KANK1: variants seen among roughly 807,000 people sequenced by gnomAD.
KANK1 encodes the protein KN motif and ankyrin repeat domains 1, also known as KN motif and ankyrin repeat domain-containing protein 1.
In KANK1, 109 loss-of-function variants were observed where a neutral mutation model predicts 106.2. That is an observed-to-expected ratio of 1.03 (90% CI 0.88 to 1.20). The LOEUF is 1.20. Ranked by LOEUF, KANK1 falls within the 50% of genes most tolerant of loss-of-function variation. KANK1 has a pLI of 0.00. For missense variants in KANK1, 2,399 were observed against 1,710.7 expected, an observed-to-expected ratio of 1.40 and a Z score of -7.10; for synonymous variants, 873 against 652.2, an observed-to-expected ratio of 1.34 and a Z score of -5.16.
At chr9:607,814 G>A (rs920278629) in intron 1 of KANK1, among the ~76,000 whole-genome samples, 6 of 151,648 alleles carry the variant, frequency 4.0e-5, no homozygotes, top group African/African-American at 1.2e-4. Flanking sequence ...AAGAAAAAAA[G>A]CGCCGAAATG....
intron 3 of KANK1, among the ~76,000 whole-genome samples, chr9:483,855 A>G (rs1037826605): frequency 6.6e-6 from 1 of 152,226 alleles, no homozygotes; most frequent in Non-Finnish European, 1.5e-5. Flanking sequence ...CAGCTGACAT[A>G]CAGATGTGAA....
At chr9:635,999 A>G (rs1015713013) in intron 1 of KANK1, among the ~76,000 whole-genome samples, 7 of 152,010 alleles carry the variant, frequency 4.6e-5, no homozygotes, top group African/African-American at 1.7e-4. Flanking sequence ...TGAGGCACAA[A>G]CTCAGTTTCT....
chr9:476,243 G>C (rs557145799), intron 3 of KANK1, among the ~76,000 whole-genome samples: 1 of 152,012 alleles, frequency 6.6e-6, no homozygotes, highest in South Asian at 2.1e-4. Flanking sequence ...GTGTTAGGCC[G>C]GGCGTGGTGG....
chr9:674,999 C>G (rs922149500), intron 1 of KANK1, among the ~76,000 whole-genome samples: 23 of 146,980 alleles, frequency 1.6e-4, no homozygotes, highest in African/African-American at 5.9e-4. Flanking sequence ...GCCACCGCAC[C>G]TGGCCTAAAT....
intron 1 of KANK1, among the ~76,000 whole-genome samples, chr9:506,543 TGTGTGC>T (rs1279357245): frequency 7.7e-6 from 1 of 129,076 alleles, no homozygotes; most frequent in Admixed American, 6.9e-5. Flanking sequence ...TGTGTGTGTG[TGTGTGC>T]GTGTGCGTGC....
At chr9:702,301 C>T (rs550652654) in intron 2 of KANK1, among the ~76,000 whole-genome samples, 2 of 152,264 alleles carry the variant, frequency 1.3e-5, no homozygotes, top group South Asian at 2.1e-4. Flanking sequence ...TACCTTGAGA[C>T]GCTGGTATAA....
Position 711,207 on chromosome 9 carries a change from C to A in KANK1, c.441C>A (p.Leu147=), listed in dbSNP as rs76868922. The A allele has an allele frequency of 6.2e-7, 1 of 1,614,064 alleles. No homozygotes were observed. Among genetic ancestry groups the A allele is most frequent in the Admixed American group, 1.7e-5 (1 of 59,998 alleles). The part of the protein sequence containing the change: ...NRQLPPPSPQ[L]PKHNLHVTKT... ...AGCTGCCACCTCCCTCACCACAACT[C>A]CCAAAGCATAACCTTCATGTCACCA... is the stretch of plus-strand genomic sequence containing the variant. Residue 147 remains leucine, a synonymous_variant, in exon 3 of 12, where the codon CTC becomes CTA. Transcript: ENST00000382297.
chr9:739,823 T>C (rs1014867988), intron 8 of KANK1, among the ~76,000 whole-genome samples: 2 of 152,004 alleles, frequency 1.3e-5, no homozygotes, highest in African/African-American at 4.8e-5. Flanking sequence ...GGTGTAGATC[T>C]AGGATGCTTC....
intron 1 of KANK1, among the ~76,000 whole-genome samples, chr9:623,535 G>T (rs1006549486): frequency 6.6e-6 from 1 of 151,352 alleles, no homozygotes; most frequent in African/African-American, 2.4e-5. Flanking sequence ...ACCCGAAGAG[G>T]TCGAGACTGC....
At position 597,816 on chromosome 9, in the gene KANK1, A is replaced by G. The variant is rs949610608; in HGVS notation, c.-83-79074A>G. ...GTAGCTGGGATTACAGGCATGCATC[A>G]CCACGCCTGGCTAATTTTTTTGTAT... On this transcript the variant is annotated intron_variant, in intron 1 of 11. Transcript: ENST00000382297. 7.9e-5 allele frequency among the ~76,000 whole-genome samples: 12 copies of G among 151,354 alleles called. 1 individual carries two copies. Among genetic ancestry groups the G allele is most frequent in the African/African-American group, 2.9e-4 (12 of 40,844 alleles).
intron 1 of KANK1, among the ~76,000 whole-genome samples, chr9:516,072 A>G (rs2059265538): frequency 6.6e-6 from 1 of 151,394 alleles, no homozygotes; most frequent in Non-Finnish European, 1.5e-5. Context: ...TCTTCCCTTA[A>G]ATATTATTGG....
rs563941061 is a variant in KANK1 at position 711,127 on chromosome 9, C to T, written c.361C>T (p.Pro121Ser). The T allele has an allele frequency of 3.7e-6, 6 of 1,614,156 alleles. No individual in the cohort carries two copies. The African/African-American group carries it at 5.3e-5, about 14-fold the overall frequency. The change falls in exon 3 of 12, where the codon CCA becomes TCA. Residue 121 changes from proline to serine, a missense_variant. Physicochemically the swap from Pro to Ser is moderately conservative, Grantham distance 74. Coordinates refer to ENST00000382297, the MANE Select transcript of KANK1 (RefSeq NM_015158.5). ...SQVTSTPISK[P>S]PPPLETSLPF... ...AGTTACATCAACTCCAATCTCAAAG[C>T]CACCTCCCCCTCTGGAGACCTCACT... is the stretch of plus-strand genomic sequence containing the variant.
intron 1 of KANK1, among the ~76,000 whole-genome samples, chr9:596,018 T>A (rs1826117448): frequency 6.6e-6 from 1 of 151,848 alleles, no homozygotes; most frequent in Non-Finnish European, 1.5e-5. Context: ...GAGACACAAG[T>A]CTAAATAACA....
intron 2 of KANK1, among the ~76,000 whole-genome samples, chr9:694,868 G>T (rs959805165): frequency 2.0e-5 from 3 of 152,080 alleles, no homozygotes; most frequent in Non-Finnish European, 4.4e-5. Context: ...CGTGCAGAGG[G>T]GAAGACTGCA....
At chr9:648,726 A>G (rs180701238) in intron 1 of KANK1, among the ~76,000 whole-genome samples, 25 of 152,212 alleles carry the variant, frequency 1.6e-4, no homozygotes, top group African/African-American at 6.0e-4. Flanking sequence ...GTTGCGGGGG[A>G]GAGTATCTCA....
rs1723931636 is a variant in KANK1, at chr9:738,362, G to A, written c.3411G>A (p.Gly1137=). 6.2e-7 allele frequency: 1 copy of A among 1,614,084 alleles called. No homozygotes were observed. Among genetic ancestry groups the A allele is most frequent in the Non-Finnish European group, 8.5e-7 (1 of 1,180,012 alleles). The change falls in exon 8 of 12, where the codon GGG becomes GGA. Residue 1137 remains glycine (G), a synonymous_variant. Coordinates refer to ENST00000382297, the MANE Select transcript of KANK1 (RefSeq NM_015158.5). ...AGTCAGCCATTCCAGCCATGGTGGG[G>A]GACTACATAGCTGCTTTTGAGGCCA... ...SQKSAIPAMV[G]DYIAAFEAIS... is the part of the protein sequence containing the mutation.
At chr9:527,498 A>C (rs960595006) in intron 1 of KANK1, among the ~76,000 whole-genome samples, 2 of 151,420 alleles carry the variant, frequency 1.3e-5, no homozygotes, top group Non-Finnish European at 2.9e-5. Flanking sequence ...ATGGGGTTTC[A>C]CTATGTTGGC....
rs80053534 is a variant in KANK1 at position 737,014 on chromosome 9, A to G, written c.3334-1271A>G. Among the ~76,000 whole-genome samples, 1,097 of 152,310 alleles carry G rather than the reference A, an allele frequency of 7.2e-3. 24 individuals are homozygous for G. Among genetic ancestry groups the G allele is most frequent in the African/African-American group, 0.024 (1,016 of 41,554 alleles). ...GTCATCCACACACACTGTGATGGGT[A>G]CATCTTTTTAACTGAATTTTCATTT... On this transcript the variant is annotated intron_variant, in intron 7 of 11. Transcript: ENST00000382297.
intron 1 of KANK1, among the ~76,000 whole-genome samples, chr9:606,858 A>G (rs1368476941): frequency 6.6e-6 from 1 of 151,712 alleles, no homozygotes. Flanking sequence ...TACTGTGGAA[A>G]TAGCAGAAAG....
Sources: allele counts gnomAD v4.1 joint callset (sites outside exome capture counted in the v4.1 genomes callset), GRCh38; gene constraint gnomAD v4.1.1; transcripts MANE v1.5; gene names NCBI Gene and HGNC (gene_info 2026-07-23, HGNC 2026-07-21).